SPATA6L: variants seen among roughly 807,000 people sequenced by gnomAD.
The protein encoded by SPATA6L is spermatogenesis associated 6-like protein.
Under a neutral mutation model 49.2 loss-of-function variants are expected in SPATA6L, and 68 were observed. That is an observed-to-expected ratio of 1.38 (90% CI 1.14 to 1.69). The LOEUF is 1.69. Ranked by LOEUF, SPATA6L falls within the 40% of genes most tolerant of loss-of-function variation. The pLI is 0.00. For synonymous variants in SPATA6L, 198 were observed against 165.7 expected, an observed-to-expected ratio of 1.19 and a Z score of -1.50; for missense variants, 668 against 464.3, an observed-to-expected ratio of 1.44 and a Z score of -4.03.
At chr9:4,656,335 G>C (rs568392339) in intron 2 of SPATA6L, among the ~76,000 whole-genome samples, 2 of 152,096 alleles carry the variant, frequency 1.3e-5, no homozygotes, top group African/African-American at 4.8e-5. Context: ...GCTACTTGTG[G>C]GGCTGAGGCT....
chr9:4,614,256 T>A (rs1827455435), intron 9 of SPATA6L, among the ~76,000 whole-genome samples: 1 of 152,168 alleles, frequency 6.6e-6, no homozygotes, highest in African/African-American at 2.4e-5. Flanking sequence ...GTACTCCCAT[T>A]GTTCACTCTT....
intron 9 of SPATA6L, among the ~76,000 whole-genome samples, chr9:4,616,197 G>C (rs1486856560): frequency 6.6e-6 from 1 of 152,060 alleles, no homozygotes; most frequent in Non-Finnish European, 1.5e-5. Flanking sequence ...GGATTGCTTG[G>C]GTTGGGGAGG....
chr9:4,650,318 C>G (rs1003757383), intron 3 of SPATA6L, among the ~76,000 whole-genome samples: 1 of 152,188 alleles, frequency 6.6e-6, no homozygotes, highest in Non-Finnish European at 1.5e-5. Context: ...ATTCTTTCAA[C>G]TGAGTAACAT....
intron 5 of SPATA6L, chr9:4,625,775 T>C: frequency 2.7e-6 from 1 of 372,378 alleles, no homozygotes; most frequent in South Asian, 7.8e-5. Flanking sequence ...CTTGCTAGTA[T>C]AATGTATTCA....
In SPATA6L at chr9:4,662,321, C is replaced by A; in HGVS notation, c.40-285G>T. The stretch of plus-strand genomic sequence containing the variant: ...TGCGGAAGCGGAAGAGGCTGCAGGG[C>A]CGGGAAGCCTCTGTTTGGTCCGGCC... On this transcript the variant is annotated intron_variant, in intron 1 of 11. Coordinates refer to ENST00000682582, the MANE Select transcript of SPATA6L (RefSeq NM_001353486.2). The surrounding 1 kb of genome is among the most constrained non-coding windows in gnomAD (Gnocchi z 4.9). 6.9e-7 allele frequency: 1 copy of A among 1,446,156 alleles called. No homozygotes were observed. 89.6% of individuals were successfully genotyped at this position (1,446,156 alleles called of 1,614,324 possible). A position where few individuals can be genotyped will look rare whatever the true frequency, so the allele number is the denominator to read the frequency against.
intron 9 of SPATA6L, among the ~76,000 whole-genome samples, chr9:4,607,077 G>A (rs1021456886): frequency 2.0e-5 from 3 of 151,694 alleles, no homozygotes; most frequent in African/African-American, 7.3e-5. Flanking sequence ...AATGAAGCGA[G>A]AAGGGAAGTT....
intron 2 of SPATA6L, 39 bp from the exon 3 acceptor site, chr9:4,656,128 T>C (rs755924088): frequency 4.5e-6 from 7 of 1,564,998 alleles, no homozygotes; most frequent in Non-Finnish European, 5.3e-6. Context: ...TTCAAAGTTG[T>C]ATTAATAAGC....
At chr9:4,653,005 C>G (rs1288261091) in intron 3 of SPATA6L, among the ~76,000 whole-genome samples, 1 of 152,110 alleles carries the variant, frequency 6.6e-6, no homozygotes, top group Non-Finnish European at 1.5e-5. Flanking sequence ...TCTTTGCAGA[C>G]ATTGACAAGA....
At chr9:4,620,490 C>T (rs1216236266) in intron 7 of SPATA6L, among the ~76,000 whole-genome samples, 1 of 152,180 alleles carries the variant, frequency 6.6e-6, no homozygotes, top group Non-Finnish European at 1.5e-5. Context: ...TCAGAATCTG[C>T]AGTTTAACAA....
chr9:4,637,558 A>G (rs1307395660), intron 3 of SPATA6L, among the ~76,000 whole-genome samples: 1 of 152,214 alleles, frequency 6.6e-6, no homozygotes, highest in East Asian at 1.9e-4. Flanking sequence ...GAGCAGTTCA[A>G]TCAATACAGG....
chr9:4,604,051 G>T lies in SPATA6L; in HGVS notation c.*1+128C>A, dbSNP rs41279549. The stretch of plus-strand genomic sequence containing the variant: ...GAGCAAGGGAAGAACGCAGTTCTCA[G>T]GTCTCCTCCAAGTCTCCTGTCCTCC... On this transcript the variant is annotated intron_variant, in intron 11 of 11. Transcript: ENST00000682582. 4.9e-6 allele frequency: 3 copies of T among 606,322 alleles called. No individual in the cohort carries two copies. In the East Asian group the frequency reaches 8.7e-5, roughly 18 times the overall value. 37.6% of individuals were successfully genotyped at this position (606,322 alleles called of 1,614,324 possible).
At position 4,656,472 on chromosome 9, in the gene SPATA6L, G is replaced by A. The variant is rs571327087; in HGVS notation, c.178-383C>T. On this transcript the variant is annotated intron_variant, in intron 2 of 11. Transcript: ENST00000682582. ...AGGAAGGAAGGAAGGAAGGAAGGAA[G>A]GAAGGAAGGAAGGAAGGAAGGAAGG... Among the ~76,000 whole-genome samples the A allele has an allele frequency of 4.4e-4, 66 of 149,304 alleles. 1 individual carries two copies. Among genetic ancestry groups the A allele is most frequent in the Admixed American group, 2.7e-4 (4 of 14,934 alleles).
intron 4 of SPATA6L, among the ~76,000 whole-genome samples, chr9:4,631,879 A>G (rs1831635326): frequency 6.6e-6 from 1 of 152,128 alleles, no homozygotes; most frequent in Non-Finnish European, 1.5e-5. Flanking sequence ...CCCTGAGGGC[A>G]TTTCTGAAAC....
chr9:4,642,105 T>C (rs1834162204), intron 3 of SPATA6L, among the ~76,000 whole-genome samples: 1 of 152,190 alleles, frequency 6.6e-6, no homozygotes, highest in Non-Finnish European at 1.5e-5. Flanking sequence ...TGTCAGGGAT[T>C]GTTGAATGGG....
intron 4 of SPATA6L, among the ~76,000 whole-genome samples, chr9:4,629,690 A>G (rs1273872912): frequency 1.4e-5 from 2 of 147,796 alleles, no homozygotes; most frequent in African/African-American, 5.0e-5. Flanking sequence ...ATTTTGTTTC[A>G]TTGATTTTTC....
chr9:4,662,599 C>A lies in SPATA6L; in HGVS notation c.40-563G>T. ...CGCCGCGGCTCCTTCCCCCTGGCCG[C>A]GGCGGGCCCCTCGCAGTCGCCCGCG... On this transcript the variant is annotated intron_variant, in intron 1 of 11. Coordinates refer to ENST00000682582, the MANE Select transcript of SPATA6L (RefSeq NM_001353486.2). The surrounding 1 kb of genome is among the most constrained non-coding windows in gnomAD (Gnocchi z 4.9). The A allele has an allele frequency of 6.3e-7, 1 of 1,590,492 alleles. No homozygotes were observed. Among genetic ancestry groups the A allele is most frequent in the East Asian group, 2.3e-5 (1 of 44,380 alleles).
intron 9 of SPATA6L, among the ~76,000 whole-genome samples, chr9:4,615,524 G>A (rs1587069348): frequency 6.6e-6 from 1 of 152,174 alleles, no homozygotes; most frequent in East Asian, 1.9e-4. Context: ...AGACACTCAG[G>A]AAAGGCTGGC....
At position 4,652,319 on chromosome 9, in the gene SPATA6L, G is replaced by A. The variant is rs542554537; in HGVS notation, c.226+3722C>T. Among the ~76,000 whole-genome samples, 84 of 152,168 alleles carry A rather than the reference G, an allele frequency of 5.5e-4. 1 individual carries two copies. The highest frequency in any genetic ancestry group is 1.9e-3 in the African/African-American group (80 of 41,516). ...TGCCTGTAATGCCAGCTACTAGGGA[G>A]GCTGAGGCAGGAGAATTGCTTGAAT... On this transcript the variant is annotated intron_variant, in intron 3 of 11. Transcript: ENST00000682582.
intron 11 of SPATA6L, among the ~76,000 whole-genome samples, chr9:4,602,819 G>C (rs1001437337): frequency 6.6e-6 from 1 of 152,188 alleles, no homozygotes; most frequent in Non-Finnish European, 1.5e-5. Flanking sequence ...ATGTCACCTT[G>C]AGCAAGGGAC....
Sources: gnomAD v4.1 joint callset for allele counts (sites outside exome capture counted in the v4.1 genomes callset) on GRCh38, gnomAD v4.1.1 for gene constraint, Gnocchi (gnomAD v3.1) non-coding constraint, MANE v1.5 for transcripts, NCBI Gene and HGNC (gene_info 2026-07-23, HGNC 2026-07-21) for gene names.